Variants in DTD1 observed in about 807,000 individuals in gnomAD.
The protein encoded by DTD1 is D-aminoacyl-tRNA deacylase 1, also known as D-tyrosyl-tRNA deacylase 1 homolog.
Under a neutral mutation model 25.6 loss-of-function variants are expected in DTD1, and 13 were observed. The ratio of observed to expected loss-of-function variants is 0.51; its 90% CI spans 0.33 to 0.81. DTD1 has a LOEUF of 0.81. Among genes scored for constraint, DTD1 ranks in the 30% least tolerant of loss-of-function variants. The pLI is 0.02. For synonymous variants in DTD1, 110 were observed against 103.6 expected (o/e 1.06, Z -0.37); for missense variants, 193 against 266.4 (o/e 0.72, Z 1.92).
intron 5 of DTD1, among the ~76,000 whole-genome samples, chr20:18,753,177 A>G (rs1261526027): frequency 2.0e-5 from 3 of 152,244 alleles, no homozygotes; most frequent in Non-Finnish European, 4.4e-5. Flanking sequence ...CTCAGTAGCC[A>G]TATTTCAAGT....
intron 4 of DTD1, among the ~76,000 whole-genome samples, chr20:18,673,339 A>G (rs189077731): frequency 4.1e-4 from 63 of 152,310 alleles, no homozygotes; most frequent in Middle Eastern, 6.8e-3. Context: ...ATGGTAGAAT[A>G]TATCTATGAA....
chr20:18,661,114 C>G (rs1379647283), intron 4 of DTD1, among the ~76,000 whole-genome samples: 1 of 152,178 alleles, frequency 6.6e-6, no homozygotes, highest in Non-Finnish European at 1.5e-5. Flanking sequence ...GTGCCTATCC[C>G]TCTGCCATTA....
At chr20:18,739,674 C>T (rs1282735450) in intron 4 of DTD1, among the ~76,000 whole-genome samples, 1 of 152,152 alleles carries the variant, frequency 6.6e-6, no homozygotes, top group Non-Finnish European at 1.5e-5. Context: ...AATTTGAAAG[C>T]TGTTGACATT....
intron 5 of DTD1, among the ~76,000 whole-genome samples, chr20:18,759,612 T>G (rs1056690866): frequency 6.6e-6 from 1 of 152,258 alleles, no homozygotes; most frequent in African/African-American, 2.4e-5. Context: ...CCGCTGTTAG[T>G]CTGATGGGCT....
chr20:18,723,301 CT>C (rs1299636601), intron 4 of DTD1, among the ~76,000 whole-genome samples: 1 of 152,196 alleles, frequency 6.6e-6, no homozygotes, highest in African/African-American at 2.4e-5. Flanking sequence ...CACCTCTAGC[CT>C]AGAGCCCCTG....
intron 3 of DTD1, among the ~76,000 whole-genome samples, chr20:18,620,389 T>G (rs1490856333): frequency 1.3e-5 from 2 of 152,220 alleles, no homozygotes; most frequent in Non-Finnish European, 1.5e-5. Flanking sequence ...TTTCACTTCC[T>G]AACCCCAACC....
intron 4 of DTD1, among the ~76,000 whole-genome samples, chr20:18,704,638 G>A (rs2061118892): frequency 6.6e-6 from 1 of 152,132 alleles, no homozygotes; most frequent in Admixed American, 6.6e-5. Context: ...TGACAACTCT[G>A]GAGACATTTT....
intron 4 of DTD1, among the ~76,000 whole-genome samples, chr20:18,719,245 ATGTGTGTGTG>A (rs34218213): frequency 1.3e-5 from 2 of 149,074 alleles, no homozygotes; most frequent in African/African-American, 2.5e-5. Context: ...GTATATATAT[ATGTGTGTGTG>A]TGTGTGTGTG....
intron 5 of DTD1, among the ~76,000 whole-genome samples, chr20:18,754,251 G>A (rs1449634633): frequency 1.3e-5 from 2 of 152,168 alleles, no homozygotes; most frequent in Non-Finnish European, 2.9e-5. Flanking sequence ...TCTGGTCCTG[G>A]TCTGGCCTCA....
At chr20:18,601,440 A>G (rs2060633947) in intron 3 of DTD1, among the ~76,000 whole-genome samples, 1 of 149,276 alleles carries the variant, frequency 6.7e-6, no homozygotes. Flanking sequence ...CGCAGGTTGC[A>G]GTGAGCCGAG....
At chr20:18,592,113 A>G (rs2060591855) in intron 1 of DTD1, among the ~76,000 whole-genome samples, 1 of 152,210 alleles carries the variant, frequency 6.6e-6, no homozygotes, top group Non-Finnish European at 1.5e-5. Flanking sequence ...GTATTGTAAC[A>G]TGACATAGTC....
Position 18,763,646 on chromosome 20 carries a change from TC to T in DTD1, c.*307del, listed in dbSNP as rs1252584460. The stretch of plus-strand genomic sequence containing the variant: ...AAAGGCTTTGTTGGTTTCTACCACA[TC>T]TTGGCTTGCTTTTGGAACAGGCTGG... On this transcript the variant is annotated 3_prime_UTR_variant, in exon 6 of 6. Transcript: ENST00000377452. The T allele has an allele frequency of 6.5e-6, 1 of 152,696 alleles. No homozygotes were observed. The highest frequency in any genetic ancestry group is 1.5e-5 in the Non-Finnish European group (1 of 68,054). 9.5% of individuals were successfully genotyped at this position (152,696 alleles called of 1,614,324 possible).
intron 4 of DTD1, chr20:18,698,634 GTCCAGCCC>G (rs2061089820): frequency 6.6e-6 from 1 of 152,236 alleles, no homozygotes; most frequent in African/African-American, 2.4e-5. Flanking sequence ...GGTCATCCAT[GTCCAGCCC>G]TCCAGCTGTG....
Position 18,626,699 on chromosome 20 carries a change from C to T in DTD1, c.371-1428C>T, listed in dbSNP as rs996281200. On this transcript the variant is annotated intron_variant, in intron 3 of 5. Coordinates refer to ENST00000377452, the MANE Select transcript of DTD1 (RefSeq NM_080820.6). ...GTTACCATTTTAAGATCTCTTAAAACATGTCTTTGGATTTATCATCTGTAC... is the reference window on the plus strand; with the variant it reads ...GTTACCATTTTAAGATCTCTTAAAATATGTCTTTGGATTTATCATCTGTAC... 3.9e-5 allele frequency among the ~76,000 whole-genome samples: 6 copies of T among 152,118 alleles called. No homozygotes were observed. The East Asian group carries it at 1.2e-3, about 29-fold the overall frequency.
intron 4 of DTD1, among the ~76,000 whole-genome samples, chr20:18,651,374 C>T (rs1484971597): frequency 6.6e-6 from 1 of 152,188 alleles, no homozygotes; most frequent in Non-Finnish European, 1.5e-5. Flanking sequence ...TGGTCTTGAA[C>T]TCCCGACCTC....
chr20:18,731,537 A>G (rs1252664413), intron 4 of DTD1, among the ~76,000 whole-genome samples: 2 of 152,238 alleles, frequency 1.3e-5, no homozygotes. Flanking sequence ...CCTCTTATCC[A>G]TAAGCAACCA....
At chr20:18,755,192 C>G (rs1465548445) in intron 5 of DTD1, among the ~76,000 whole-genome samples, 1 of 152,076 alleles carries the variant, frequency 6.6e-6, no homozygotes, top group African/African-American at 2.4e-5. Context: ...TTAATGCTCA[C>G]TCATAGAAAA....
At position 18,669,832 on chromosome 20, in the gene DTD1, C is replaced by T. The variant is rs114061748; in HGVS notation, c.477+41599C>T. ...CGTGGCCTGCTTAACATTTCTTGAA[C>T]GCTTTGATCACAGCAGTTCTCTCCA... On this transcript the variant is annotated intron_variant, in intron 4 of 5. Coordinates refer to ENST00000377452, the MANE Select transcript of DTD1 (RefSeq NM_080820.6). Among the ~76,000 whole-genome samples the T allele has an allele frequency of 6.1e-3, 921 of 152,226 alleles. 5 individuals carry two copies. The highest frequency in any genetic ancestry group is 0.021 in the African/African-American group (863 of 41,522).
Position 18,622,942 on chromosome 20 carries a change from A to ATT in DTD1, c.371-5174_371-5173dup, listed in dbSNP as rs771564529. Among the ~76,000 whole-genome samples, 184 of 129,788 alleles carry ATT rather than the reference A, an allele frequency of 1.4e-3. 6 individuals carry two copies. The highest frequency in any genetic ancestry group is 4.9e-3 in the Middle Eastern group (1 of 204). 85.1% of individuals were successfully genotyped at this position (129,788 alleles called of 152,430 possible). A position where few individuals can be genotyped will look rare whatever the true frequency, so the allele number is the denominator to read the frequency against. ...ACTTATTAGAAGACAATTTTATAGA[A>ATT]TTTTTTTTTTTTGTCTGAGATGGAG... On this transcript the variant is annotated intron_variant, in intron 3 of 5. Transcript: ENST00000377452.
Sources: gnomAD v4.1 joint callset for allele counts (sites outside exome capture counted in the v4.1 genomes callset) on GRCh38, gnomAD v4.1.1 for gene constraint, MANE v1.5 for transcripts, NCBI Gene and HGNC (gene_info 2026-07-23, HGNC 2026-07-21) for gene names.